Variants in EPB41 observed in about 807,000 individuals in gnomAD.
EPB41 encodes the protein protein 4.1.
In EPB41, 65 loss-of-function variants were observed where a neutral mutation model predicts 108.0. The observed-to-expected ratio is 0.60, with a 90% CI of 0.49 to 0.74. The LOEUF is 0.74. Among genes scored for constraint, EPB41 ranks in the 30% least tolerant of loss-of-function variants. The pLI, the probability that EPB41 is intolerant of heterozygous loss-of-function variation, is 0.00. For missense variants in EPB41, 875 were observed against 1,037.0 expected (o/e 0.84, Z 2.15); for synonymous variants, 336 against 358.9 (o/e 0.94, Z 0.72).
At chr1:29,014,249 G>A (rs746115807) in intron 5 of EPB41, among the ~76,000 whole-genome samples, 3 of 152,136 alleles carry the variant, frequency 2.0e-5, no homozygotes, top group South Asian at 4.1e-4. Flanking sequence ...CCTGGGAGGT[G>A]GAGGTTGCAG....
intron 2 of EPB41, among the ~76,000 whole-genome samples, chr1:28,990,358 T>G: frequency 9.4e-6 from 1 of 106,444 alleles, no homozygotes; most frequent in East Asian, 3.4e-4. Context: ...CCTCCCTCCC[T>G]TCCTCTCTTC....
At chr1:29,057,103 G>T (rs765709980) in intron 12 of EPB41, among the ~76,000 whole-genome samples, 4 of 152,028 alleles carry the variant, frequency 2.6e-5, no homozygotes, top group African/African-American at 9.7e-5. Context: ...CCAGCCAGGC[G>T]CAGTGGCTTA....
At chr1:29,090,721 A>G (rs937695628) in intron 16 of EPB41, among the ~76,000 whole-genome samples, 4 of 152,134 alleles carry the variant, frequency 2.6e-5, no homozygotes, top group African/African-American at 9.7e-5. Context: ...TTGCACTCCA[A>G]CCTGGTCAAC....
At chr1:29,052,990 C>T in intron 11 of EPB41, 114 bp from the exon 12 acceptor site, 1 of 1,147,204 alleles carries the variant, frequency 8.7e-7, no homozygotes, top group African/African-American at 1.5e-5. Context: ...TAGCCCACTA[C>T]ACACTCTAAC....
chr1:29,006,507 G>A (rs1009394681), intron 4 of EPB41, among the ~76,000 whole-genome samples: 1 of 151,950 alleles, frequency 6.6e-6, no homozygotes, highest in Non-Finnish European at 1.5e-5. Context: ...AGAGTGCTGG[G>A]ATTACAGGTG....
At chr1:28,990,560 A>G (rs1415348427) in intron 2 of EPB41, among the ~76,000 whole-genome samples, 1 of 151,740 alleles carries the variant, frequency 6.6e-6, no homozygotes, top group Non-Finnish European at 1.5e-5. Flanking sequence ...AGTTGGGACT[A>G]CAGGTGCATG....
At chr1:29,044,791 G>A (rs1642659368) in intron 11 of EPB41, among the ~76,000 whole-genome samples, 1 of 152,216 alleles carries the variant, frequency 6.6e-6, no homozygotes, top group Admixed American at 6.5e-5. Context: ...GGCAGAAGTT[G>A]CAGTGAGCTG....
At chr1:28,995,617 T>G (rs1254683778) in intron 3 of EPB41, among the ~76,000 whole-genome samples, 4 of 152,188 alleles carry the variant, frequency 2.6e-5, no homozygotes, top group African/African-American at 9.6e-5. Flanking sequence ...AGCAAGGGAA[T>G]AAGTACATAT....
chr1:29,025,060 C>T (rs149334055), intron 7 of EPB41, among the ~76,000 whole-genome samples: 54 of 152,148 alleles, frequency 3.5e-4, no homozygotes, highest in Non-Finnish European at 6.0e-4. Flanking sequence ...AGAAGACAGC[C>T]TGCATAAATG....
intron 16 of EPB41, chr1:29,070,344 ATCT>A: frequency 8.1e-7 from 1 of 1,230,786 alleles, no homozygotes; most frequent in South Asian, 4.1e-5. Context: ...GTCTTTCTTG[ATCT>A]TCTACTGTGA....
intron 16 of EPB41, among the ~76,000 whole-genome samples, chr1:29,091,183 G>T (rs1471500591): frequency 1.3e-5 from 2 of 152,218 alleles, no homozygotes; most frequent in Non-Finnish European, 2.9e-5. Context: ...GCTTCTTGAT[G>T]ACAGACTACT....
In EPB41 at chr1:29,096,484, A is replaced by G. The variant is rs1050061814; in HGVS notation, c.2185-1323A>G. 3 of 985,908 alleles carry G rather than the reference A, an allele frequency of 3.0e-6. No individual in the cohort carries two copies. The African/African-American group carries it at 5.2e-5, about 17-fold the overall frequency. 61.1% of individuals were successfully genotyped at this position (985,908 alleles called of 1,614,324 possible). ...CTTCCTGTCAGCTGCAACCTGGTGT[A>G]AAAAAGGCAGAGAGTAGTGAAGAAC... On this transcript the variant is annotated intron_variant, in intron 16 of 20. Coordinates refer to ENST00000343067, the MANE Select transcript of EPB41 (RefSeq NM_001376013.1).
At chr1:28,953,433 C>A (rs2094821899) in intron 1 of EPB41, among the ~76,000 whole-genome samples, 1 of 152,114 alleles carries the variant, frequency 6.6e-6, no homozygotes, top group South Asian at 2.1e-4. Flanking sequence ...CTTGAGAAAT[C>A]CCTGCTGCCC....
chr1:29,057,869 A>G (rs572305145), intron 12 of EPB41, among the ~76,000 whole-genome samples: 11 of 152,318 alleles, frequency 7.2e-5, no homozygotes, highest in African/African-American at 2.4e-4. Context: ...TACCAAACAC[A>G]TAGGCTCCAC....
At chr1:29,064,929 T>C in intron 15 of EPB41, 53 bp from the exon 16 acceptor site, 1 of 1,611,220 alleles carries the variant, frequency 6.2e-7, no homozygotes, top group Non-Finnish European at 8.5e-7. Context: ...CCCTTGATTA[T>C]GTTCTTTGTC....
At chr1:28,911,262 T>C (rs537860869), upstream of EPB41, 46 of 731,772 alleles carry the variant, frequency 6.3e-5, no homozygotes, top group Non-Finnish European at 7.5e-5. Context: ...GATAGTACTT[T>C]ACAGTTTACA....
chr1:29,079,383 C>T (rs1397683178), intron 16 of EPB41, among the ~76,000 whole-genome samples: 4 of 151,540 alleles, frequency 2.6e-5, no homozygotes, highest in Non-Finnish European at 5.9e-5. Context: ...CTACAGAAAA[C>T]GTCTTAGAAG....
chr1:28,979,056 CCTGA>C (rs1428670005), intron 1 of EPB41, among the ~76,000 whole-genome samples: 1 of 151,280 alleles, frequency 6.6e-6, no homozygotes, highest in Non-Finnish European at 1.5e-5. Flanking sequence ...TCTGGAGAAC[CCTGA>C]CTAATACAGA....
At chr1:29,013,542 T>C (rs2096536517) in intron 5 of EPB41, among the ~76,000 whole-genome samples, 1 of 152,204 alleles carries the variant, frequency 6.6e-6, no homozygotes, top group Non-Finnish European at 1.5e-5. Flanking sequence ...TTTGTTTGTT[T>C]TGAGATGGAG....
Sources: gnomAD v4.1 joint callset for allele counts (sites outside exome capture counted in the v4.1 genomes callset) on GRCh38, gnomAD v4.1.1 for gene constraint, MANE v1.5 for transcripts, NCBI Gene and HGNC (gene_info 2026-07-23, HGNC 2026-07-21) for gene names.